VWA8: variants seen among roughly 807,000 people sequenced by gnomAD.
VWA8 encodes the protein von Willebrand factor A domain containing 8.
VWA8 carries 221 observed loss-of-function variants against 241.5 expected under a neutral mutation model. That is an observed-to-expected ratio of 0.91 (90% CI 0.82 to 1.02). VWA8 has a LOEUF of 1.02. VWA8 is among the 50% of genes least tolerant of loss of function. The probability of loss-of-function intolerance (pLI) is 0.00; values close to 1 mark genes in which losing one functional copy is unlikely to be tolerated. For missense variants in VWA8, 2,322 were observed against 2,328.7 expected (o/e 1.00, Z 0.06); for synonymous variants, 852 against 827.1 (o/e 1.03, Z -0.52).
chr13:41,804,220 A>G (rs1187657308), intron 17 of VWA8, among the ~76,000 whole-genome samples: 1 of 152,212 alleles, frequency 6.6e-6, no homozygotes, highest in Non-Finnish European at 1.5e-5. Flanking sequence ...ATTTAACTCA[A>G]AAAAGACAAC....
chr13:41,707,145 CT>C (rs1010879062), intron 26 of VWA8, among the ~76,000 whole-genome samples: 9 of 152,078 alleles, frequency 5.9e-5, no homozygotes, highest in Non-Finnish European at 1.5e-5. Flanking sequence ...AAAAGGTTTT[CT>C]TTTTTTAAAA....
intron 2 of VWA8, 72 bp from the exon 3 acceptor site, chr13:41,912,240 G>T: frequency 8.1e-7 from 1 of 1,230,422 alleles, no homozygotes; most frequent in South Asian, 1.9e-5. Flanking sequence ...AAGTAATGTG[G>T]ACATATTTAT....
chr13:41,695,440 T>C (rs941671433), intron 29 of VWA8, among the ~76,000 whole-genome samples: 3 of 152,186 alleles, frequency 2.0e-5, no homozygotes, highest in African/African-American at 7.2e-5. Context: ...CTATAATATT[T>C]TGCTTCATTT....
intron 37 of VWA8, among the ~76,000 whole-genome samples, chr13:41,652,650 A>G (rs1246994993): frequency 6.6e-6 from 1 of 152,202 alleles, no homozygotes; most frequent in Non-Finnish European, 1.5e-5. Flanking sequence ...AGAGAGGTGA[A>G]ATGACTACTT....
At chr13:41,752,049 T>C (rs1341102120) in intron 21 of VWA8, among the ~76,000 whole-genome samples, 1 of 152,190 alleles carries the variant, frequency 6.6e-6, no homozygotes, top group Non-Finnish European at 1.5e-5. Context: ...ACTTCTCTTT[T>C]CCCCCCACCC....
intron 37 of VWA8, among the ~76,000 whole-genome samples, chr13:41,656,680 C>A (rs998813079): frequency 1.3e-5 from 2 of 151,986 alleles, no homozygotes; most frequent in Non-Finnish European, 2.9e-5. Flanking sequence ...GCCTAATTAC[C>A]ATATATTAGG....
In VWA8 at chr13:41,670,959, T is replaced by C. The variant is rs1283125415; in HGVS notation, c.4598A>G (p.Asp1533Gly). 2 of 1,613,752 alleles carry C rather than the reference T, an allele frequency of 1.2e-6. No homozygotes were observed. The highest frequency in any genetic ancestry group is 1.7e-6 in the Non-Finnish European group (2 of 1,179,798). The change falls in exon 37 of 45, where the codon GAC becomes GGC. Residue 1533 changes from aspartate (D) to glycine (G), a missense_variant. Transcript: ENST00000379310. Reference sequence around the variant, plus strand: ...TTCAAATGGTACCTGCATATTTCTGTCATCTTGTCCAATCATGTTTCTCCA... The same window carrying C: ...TTCAAATGGTACCTGCATATTTCTGCCATCTTGTCCAATCATGTTTCTCCA... ...MEWRNMIGQD[D>G]RNMQITINRD...
chr13:41,923,436 T>TA (rs977211928), intron 2 of VWA8, among the ~76,000 whole-genome samples: 13 of 151,132 alleles, frequency 8.6e-5, no homozygotes, highest in East Asian at 5.8e-4. Flanking sequence ...AAGTATAATT[T>TA]AAAAAAAAAG....
chr13:41,686,310 C>T (rs891941375), intron 34 of VWA8, among the ~76,000 whole-genome samples: 1 of 152,232 alleles, frequency 6.6e-6, no homozygotes, highest in South Asian at 2.1e-4. Flanking sequence ...GTTGCATTAG[C>T]TCTCTGCGTC....
At chr13:41,767,167 C>G (rs1410359250) in intron 20 of VWA8, among the ~76,000 whole-genome samples, 4 of 152,086 alleles carry the variant, frequency 2.6e-5, no homozygotes, top group East Asian at 1.9e-4. Context: ...CCATAGGCCG[C>G]TAATTTCTTT....
chr13:41,942,588 T>G (rs749237365), intron 2 of VWA8, among the ~76,000 whole-genome samples: 1 of 152,128 alleles, frequency 6.6e-6, no homozygotes, highest in Non-Finnish European at 1.5e-5. Context: ...CCTAGCCACA[T>G]AGAAAACCTG....
intron 20 of VWA8, among the ~76,000 whole-genome samples, chr13:41,769,650 T>G (rs1343774305): frequency 1.3e-5 from 2 of 152,210 alleles, no homozygotes; most frequent in Non-Finnish European, 2.9e-5. Flanking sequence ...TGTGCTATGA[T>G]GCAAAAAAGC....
intron 4 of VWA8, 129 bp downstream of exon 4, chr13:41,907,457 A>G: frequency 1.6e-6 from 1 of 620,570 alleles, no homozygotes; most frequent in Non-Finnish European, 2.6e-6. Flanking sequence ...ATCTAAATTA[A>G]ATCTGTCTAG....
chr13:41,741,943 C>T (rs767935666), intron 21 of VWA8, among the ~76,000 whole-genome samples: 4 of 152,068 alleles, frequency 2.6e-5, no homozygotes, highest in Non-Finnish European at 4.4e-5. Context: ...AGAACAGAGT[C>T]CTGATTATGG....
At chr13:41,840,750 C>A (rs1278587709) in intron 12 of VWA8, among the ~76,000 whole-genome samples, 7 of 149,710 alleles carry the variant, frequency 4.7e-5, no homozygotes, top group African/African-American at 1.7e-4. Context: ...CAAAGTGAGA[C>A]CGTCTCAAAA....
chr13:41,636,873 T>A (rs556522262), intron 37 of VWA8, among the ~76,000 whole-genome samples: 179 of 152,122 alleles, frequency 1.2e-3, no homozygotes, highest in African/African-American at 4.2e-3. Context: ...AGATACCATC[T>A]CACACCAGTT....
At chr13:41,625,846 T>C (rs1046748380) in intron 37 of VWA8, among the ~76,000 whole-genome samples, 18 of 151,328 alleles carry the variant, frequency 1.2e-4, no homozygotes, top group Admixed American at 5.9e-4. Context: ...TGTCCAACAA[T>C]GATAGACTGG....
rs546693980 is a variant in VWA8 at position 41,919,345 on chromosome 13, A to G, written c.242-7177T>C. ...AGTCTTTGCTACCAGAGATTCCTGCAGTCCTCACAGGCTCTGAGCCCAGCT... is the reference window on the plus strand; with the variant it reads ...AGTCTTTGCTACCAGAGATTCCTGCGGTCCTCACAGGCTCTGAGCCCAGCT... On this transcript the variant is annotated intron_variant, in intron 2 of 44. Coordinates refer to ENST00000379310, the MANE Select transcript of VWA8 (RefSeq NM_015058.2). Among the ~76,000 whole-genome samples, 7 of 152,322 alleles carry G rather than the reference A, an allele frequency of 4.6e-5. No individual in the cohort carries two copies. The East Asian group carries it at 9.7e-4, about 21-fold the overall frequency.
chr13:41,603,410 T>A (rs2044534233), intron 40 of VWA8, among the ~76,000 whole-genome samples: 1 of 152,158 alleles, frequency 6.6e-6, no homozygotes, highest in Non-Finnish European at 1.5e-5. Context: ...ACCATTTATC[T>A]AAAGCACTGA....
Sources: gnomAD v4.1 joint callset for allele counts (sites outside exome capture counted in the v4.1 genomes callset) on GRCh38, gnomAD v4.1.1 for gene constraint, MANE v1.5 for transcripts, NCBI Gene and HGNC (gene_info 2026-07-23, HGNC 2026-07-21) for gene names.